Variants in DNAH6 observed in about 807,000 individuals in gnomAD.
DNAH6 encodes axonemal beta dynein heavy chain 6.
A neutral mutation model predicts 491.4 loss-of-function variants in DNAH6; 340 were observed. The observed-to-expected ratio is 0.69, with a 90% confidence interval of 0.63 to 0.76. The LOEUF is 0.76. Among genes scored for constraint, DNAH6 ranks in the 30% least tolerant of loss-of-function variants. The pLI is 0.00. For synonymous variants in DNAH6, 1,603 were observed against 1,686.1 expected (o/e 0.95, Z 1.21); for missense variants, 4,443 against 4,972.2 (o/e 0.89, Z 3.20).
intron 17 of DNAH6, among the ~76,000 whole-genome samples, chr2:84,594,781 A>G (rs889022855): frequency 6.6e-6 from 1 of 152,212 alleles, no homozygotes; most frequent in East Asian, 1.9e-4. Context: ...TGGTTAAAAA[A>G]CAGTAACATG....
rs558231249 is a variant in DNAH6 at position 84,693,659 on chromosome 2, C to T, written c.7293-590C>T. ...TCTGGAGGCTGAGGCAGGCGTGAAC[C>T]CAGGAGGCGGAGGTTGCAGCGAGCC... is the stretch of plus-strand genomic sequence containing the variant. On this transcript the variant is annotated intron_variant, in intron 45 of 76. Coordinates refer to ENST00000389394, the MANE Select transcript of DNAH6 (RefSeq NM_001370.2). 2.6e-5 allele frequency among the ~76,000 whole-genome samples: 4 copies of T among 151,868 alleles called. No individual in the cohort carries two copies. In the South Asian group the frequency reaches 8.3e-4, roughly 32 times the overall value.
intron 59 of DNAH6, among the ~76,000 whole-genome samples, chr2:84,719,993 C>CT (rs1354366430): frequency 1.3e-5 from 2 of 152,116 alleles, no homozygotes; most frequent in South Asian, 2.1e-4. Flanking sequence ...TTAACATTGC[C>CT]TAAGGGTGAA....
intron 17 of DNAH6, 104 bp from the exon 18 acceptor site, chr2:84,595,542 A>G: frequency 2.0e-6 from 2 of 1,011,302 alleles, no homozygotes; most frequent in Admixed American, 3.0e-5. Flanking sequence ...TTCCAAAAGC[A>G]TAGTGTAGAT....
At chr2:84,505,784 C>A in the DNAH6 span, among the ~76,000 whole-genome samples, 1 of 152,148 alleles carries the variant, frequency 6.6e-6, no homozygotes, top group African/African-American at 2.4e-5. Flanking sequence ...GTTCAATTCC[C>A]ACCTATGAGT....
At chr2:84,547,188 C>A (rs1334872606) in intron 5 of DNAH6, 80 bp from the exon 6 acceptor site, 3 of 1,224,038 alleles carry the variant, frequency 2.5e-6, no homozygotes, top group Non-Finnish European at 3.4e-6. Context: ...TCCTTAATAA[C>A]TATTCTTGCT....
intron 57 of DNAH6, 44 bp from the exon 58 acceptor site, chr2:84,715,516 G>C: frequency 6.5e-7 from 1 of 1,530,574 alleles, no homozygotes; most frequent in Non-Finnish European, 8.9e-7. Flanking sequence ...TATTTTATTA[G>C]TTTGCACTTA....
intron 60 of DNAH6, among the ~76,000 whole-genome samples, chr2:84,723,745 T>A (rs1698388522): frequency 6.6e-6 from 1 of 152,222 alleles, no homozygotes; most frequent in African/African-American, 2.4e-5. Flanking sequence ...ACTCTCTTGT[T>A]TTATTTCAGC....
At chr2:84,653,143 AT>A (rs1690612838) in intron 33 of DNAH6, among the ~76,000 whole-genome samples, 175 bp from the exon 34 acceptor site, 1 of 152,110 alleles carries the variant, frequency 6.6e-6, no homozygotes, top group African/African-American at 2.4e-5. Context: ...ATCATACATG[AT>A]ATCAGAGAAA....
chr2:84,612,146 C>A (rs4832104), intron 22 of DNAH6, among the ~76,000 whole-genome samples: 27,231 of 151,792 alleles, frequency 0.18, 4,565 homozygotes, highest in African/African-American at 0.44. Flanking sequence ...ATGTTGCTTC[C>A]GTGTATCAGC....
intron 45 of DNAH6, among the ~76,000 whole-genome samples, chr2:84,689,597 G>A (rs1176179632): frequency 6.6e-6 from 1 of 152,108 alleles, no homozygotes; most frequent in Non-Finnish European, 1.5e-5. Flanking sequence ...TGGCTTTTTT[G>A]ACATAGTCTT....
intron 30 of DNAH6, among the ~76,000 whole-genome samples, chr2:84,635,585 G>A (rs4366916): frequency 0.012 from 1,815 of 152,220 alleles, 37 homozygotes; most frequent in African/African-American, 0.042. Flanking sequence ...CAAAGTATAT[G>A]GAGTAAGGGG....
chr2:84,518,857 G>A (rs1443164134), intron 2 of DNAH6, among the ~76,000 whole-genome samples: 2 of 152,126 alleles, frequency 1.3e-5, no homozygotes, highest in East Asian at 1.9e-4. Flanking sequence ...TAAATAAGCA[G>A]ACTGAACAAT....
the DNAH6 span, among the ~76,000 whole-genome samples, chr2:84,491,239 G>A: frequency 3.3e-5 from 5 of 152,168 alleles, no homozygotes; most frequent in Admixed American, 6.5e-5. Flanking sequence ...CACAAGCAAC[G>A]TATGTGAGTT....
At chr2:84,680,723 AGAG>A (rs1400090244) in intron 41 of DNAH6, among the ~76,000 whole-genome samples, 2 of 151,626 alleles carry the variant, frequency 1.3e-5, no homozygotes, top group Admixed American at 1.3e-4. Context: ...TGAAGGAGAG[AGAG>A]GAGAAGTCCA....
intron 61 of DNAH6, among the ~76,000 whole-genome samples, chr2:84,733,009 A>G (rs1180942979): frequency 1.3e-5 from 2 of 152,220 alleles, no homozygotes; most frequent in African/African-American, 4.8e-5. Context: ...CACAGCTAGA[A>G]TAAGGTTGCC....
intron 33 of DNAH6, among the ~76,000 whole-genome samples, chr2:84,643,944 T>C (rs1220635007): frequency 6.6e-6 from 1 of 152,086 alleles, no homozygotes; most frequent in Non-Finnish European, 1.5e-5. Context: ...TTTTTTGCCT[T>C]TTAGTATGCC....
chr2:84,671,492 A>T (rs1205738886), intron 39 of DNAH6, among the ~76,000 whole-genome samples: 4 of 152,162 alleles, frequency 2.6e-5, no homozygotes, highest in Non-Finnish European at 5.9e-5. Context: ...AGGCCCTGTC[A>T]TGCCAAACAA....
intron 9 of DNAH6, 35 bp from the exon 10 acceptor site, chr2:84,552,883 G>T: frequency 8.1e-7 from 1 of 1,237,150 alleles, no homozygotes. Context: ...CTTGATACTT[G>T]TGTCTTTATA....
At chr2:84,532,744 C>T (rs1677296356) in intron 4 of DNAH6, among the ~76,000 whole-genome samples, 1 of 152,006 alleles carries the variant, frequency 6.6e-6, no homozygotes, top group Non-Finnish European at 1.5e-5. Context: ...AAATTGAGAT[C>T]TAAACTATGG....
Sources: allele counts gnomAD v4.1 joint callset (sites outside exome capture counted in the v4.1 genomes callset), GRCh38; gene constraint gnomAD v4.1.1; transcripts MANE v1.5; gene names NCBI Gene and HGNC (gene_info 2026-07-23, HGNC 2026-07-21).